The following CENPI variants were observed in gnomAD, a reference collection of about 807,000 sequenced individuals.
CENPI encodes the protein centromere protein I.
CENPI carries 4 observed loss-of-function variants against 60.4 expected under a neutral mutation model. The observed-to-expected ratio is 0.07, with a 90% CI of 0.03 to 0.15. The LOEUF is 0.15. Ranked by LOEUF, CENPI falls within the 10% of genes least tolerant of loss-of-function variation. CENPI has a pLI of 1.00. For synonymous variants in CENPI, 157 were observed against 189.4 expected (o/e 0.83, Z 1.40); for missense variants, 444 against 534.5 (o/e 0.83, Z 1.67).
intron 6 of CENPI, among the ~76,000 whole-genome samples, chrX:101,117,485 G>A (rs1343104475): frequency 1.8e-5 from 2 of 112,098 alleles, no homozygotes; most frequent in African/African-American, 6.5e-5. Flanking sequence ...ATGAGCCACC[G>A]CGCCTGGCCA....
intron 4 of CENPI, among the ~76,000 whole-genome samples, chrX:101,107,053 C>G: frequency 1.3e-5 from 1 of 75,195 alleles, no homozygotes; most frequent in South Asian, 7.2e-4. Flanking sequence ...AGAGTCAGAC[C>G]CTGTCTCAAA....
At chrX:101,153,193 A>T (rs1270707887) in intron 20 of CENPI, among the ~76,000 whole-genome samples, 1 of 111,179 alleles carries the variant, frequency 9.0e-6, no homozygotes, top group Non-Finnish European at 1.9e-5. Flanking sequence ...ATTGATGTTT[A>T]GCATCTTTTC....
chrX:101,150,368 A>T (rs1259684155), intron 20 of CENPI, among the ~76,000 whole-genome samples: 1 of 102,096 alleles, frequency 9.8e-6, no homozygotes, highest in Non-Finnish European at 2.0e-5. Context: ...TTGCCTTATT[A>T]TTTTTTTTTT....
Position 101,132,400 on chromosome X carries a change from C to A in CENPI, c.1414C>A (p.Pro472Thr). Residue 472 changes from proline to threonine, a missense_variant, in exon 15 of 22, where the codon CCA becomes ACA. Pro to Thr is a conservative substitution (Grantham distance 38). Coordinates refer to ENST00000682095, the MANE Select transcript of CENPI (RefSeq NM_001386188.2). ...IPFSSFSEVK[P>T]LLFDHLAQLF... ...TTTTTTTTGATTCCTAGAGGTGAAA[C>A]CACTTCTTTTTGACCATCTAGCGCA... 1 of 1,208,739 alleles carries A rather than the reference C, an allele frequency of 8.3e-7. No individual in the cohort carries two copies. Among genetic ancestry groups the A allele is most frequent in the Non-Finnish European group, 1.1e-6 (1 of 893,275 alleles).
the CENPI span, among the ~76,000 whole-genome samples, chrX:101,179,544 G>A: frequency 8.4e-4 from 89 of 105,460 alleles, 2 homozygotes; most frequent in African/African-American, 2.4e-3. Flanking sequence ...TTTTTGAGAC[G>A]GAGTCTCGCT....
At chrX:101,119,161 C>T (rs778449693) in intron 6 of CENPI, among the ~76,000 whole-genome samples, 1 of 111,683 alleles carries the variant, frequency 9.0e-6, no homozygotes. Flanking sequence ...GCCTGGGCAA[C>T]AAGAGTGAAA....
chrX:101,169,157 G>A (rs750502519), downstream of CENPI, among the ~76,000 whole-genome samples: 1 of 111,986 alleles, frequency 8.9e-6, no homozygotes, highest in Non-Finnish European at 1.9e-5. Flanking sequence ...AAAATGAATG[G>A]AGCCTTAGAG....
At chrX:101,167,078 T>G (rs2090146433), downstream of CENPI, among the ~76,000 whole-genome samples, 1 of 112,781 alleles carries the variant, frequency 8.9e-6, no homozygotes, top group Admixed American at 9.4e-5. Context: ...TTATTATACT[T>G]TCTCCTTCTT....
chrX:101,132,341 C>T lies in CENPI; in HGVS notation c.1405+34C>T, dbSNP rs753162482. Reference sequence around the variant, plus strand: ...CATGAAAATTTGGAGTCATTTGATTCAACGTACTATGATTGAAAGGATTTT... The same window carrying T: ...CATGAAAATTTGGAGTCATTTGATTTAACGTACTATGATTGAAAGGATTTT... On this transcript the variant is annotated intron_variant, in intron 14 of 21. Transcript: ENST00000682095. 3 of 1,184,678 alleles carry T rather than the reference C, an allele frequency of 2.5e-6. No individual in the cohort carries two copies. The African/African-American group carries it at 5.3e-5, about 21-fold the overall frequency.
intron 11 of CENPI, 108 bp from the exon 12 acceptor site, chrX:101,128,608 G>C: frequency 1.2e-6 from 1 of 822,406 alleles, no homozygotes; most frequent in African/African-American, 2.0e-5. Context: ...GGGATTATAG[G>C]CATGAGCCAC....
At chrX:101,107,492 G>A (rs1277671074) in intron 4 of CENPI, among the ~76,000 whole-genome samples, 2 of 108,697 alleles carry the variant, frequency 1.8e-5, no homozygotes, top group Non-Finnish European at 3.8e-5. Context: ...GAGTAGCTGG[G>A]ATTACAGGCT....
the CENPI span, among the ~76,000 whole-genome samples, chrX:101,173,506 A>G: frequency 1.8e-5 from 2 of 108,735 alleles, no homozygotes; most frequent in Admixed American, 1.0e-4. Context: ...ATGCAACCAG[A>G]GTGATGATGT....
chrX:101,128,692 T>C (rs749651455), intron 11 of CENPI, 24 bp from the exon 12 acceptor site: 60 of 1,195,030 alleles, frequency 5.0e-5, no homozygotes, highest in Non-Finnish European at 6.7e-5. Context: ...ACTTAACTGT[T>C]GATCGGTTGT....
chrX:101,103,367 GT>G (rs1408923005), intron 4 of CENPI, among the ~76,000 whole-genome samples: 1 of 110,089 alleles, frequency 9.1e-6, no homozygotes, highest in Non-Finnish European at 1.9e-5. Flanking sequence ...TTGAGACTGA[GT>G]TTTGCACTTG....
At chrX:101,162,725 A>G in intron 21 of CENPI, 108 bp from the exon 22 acceptor site, 1 of 846,222 alleles carries the variant, frequency 1.2e-6, no homozygotes, top group Non-Finnish European at 1.7e-6. Flanking sequence ...ACTAATTTTG[A>G]TATGTGCATG....
chrX:101,108,362 C>CT (rs770638974), intron 4 of CENPI, among the ~76,000 whole-genome samples: 15,215 of 105,146 alleles, frequency 0.14, 1,163 homozygotes, highest in Non-Finnish European at 0.22. Context: ...CCCAGCTAAT[C>CT]TTTTTTTTTT....
intron 20 of CENPI, among the ~76,000 whole-genome samples, chrX:101,154,607 A>T (rs1414210401): frequency 6.3e-5 from 7 of 111,186 alleles, no homozygotes; most frequent in South Asian, 3.8e-4. Flanking sequence ...CAAAAAACGG[A>T]TCCAGCTGCG....
chrX:101,100,991 C>G, intron 2 of CENPI, 67 bp from the exon 3 acceptor site: 1 of 719,261 alleles, frequency 1.4e-6, no homozygotes, highest in African/African-American at 2.1e-5. Context: ...GAAACACACC[C>G]TGTCTCTGTG....
At chrX:101,175,359 A>G in the CENPI span, among the ~76,000 whole-genome samples, 1 of 111,972 alleles carries the variant, frequency 8.9e-6, no homozygotes, top group South Asian at 3.7e-4. Flanking sequence ...TATTTACCCC[A>G]TTATAAGGAA....
Sources: allele counts gnomAD v4.1 joint callset (sites outside exome capture counted in the v4.1 genomes callset), GRCh38; gene constraint gnomAD v4.1.1; transcripts MANE v1.5; gene names NCBI Gene and HGNC (gene_info 2026-07-23, HGNC 2026-07-21).